Variants in VOPP1 observed in about 807,000 individuals in gnomAD.
VOPP1 encodes the protein VOPP1 WW domain binding protein.
In VOPP1, 8 loss-of-function variants were observed where a neutral mutation model predicts 23.5. The observed-to-expected ratio is 0.34, with a 90% CI of 0.20 to 0.61. The LOEUF (loss-of-function observed/expected upper bound fraction) is 0.61. VOPP1 is among the 20% of genes least tolerant of loss of function. VOPP1 has a pLI of 0.78. For missense variants in VOPP1, 174 were observed against 238.1 expected, an observed-to-expected ratio of 0.73 and a Z score of 1.77; for synonymous variants, 83 against 97.3, an observed-to-expected ratio of 0.85 and a Z score of 0.86.
At chr7:55,543,925 T>G (rs964356218) in intron 1 of VOPP1, among the ~76,000 whole-genome samples, 3 of 152,216 alleles carry the variant, frequency 2.0e-5, no homozygotes, top group African/African-American at 7.2e-5. Flanking sequence ...TGTAATCGTA[T>G]TTGTCAATTT....
intron 4 of VOPP1, among the ~76,000 whole-genome samples, chr7:55,442,652 C>CGAA (rs1790995128): frequency 7.2e-6 from 1 of 139,396 alleles, no homozygotes; most frequent in Non-Finnish European, 1.6e-5. Flanking sequence ...TGAAGTAGAC[C>CGAA]AAAAAAAAAA....
At chr7:55,435,406 G>A (rs1231419852), downstream of VOPP1, among the ~76,000 whole-genome samples, 2 of 152,166 alleles carry the variant, frequency 1.3e-5, no homozygotes, top group Non-Finnish European at 2.9e-5. Flanking sequence ...AGGTGCCGTC[G>A]CATTTAGGAA....
intron 4 of VOPP1, among the ~76,000 whole-genome samples, chr7:55,482,394 C>A (rs1792792552): frequency 6.9e-6 from 1 of 145,340 alleles, no homozygotes; most frequent in Non-Finnish European, 1.5e-5. Context: ...TTCCCTCAGG[C>A]TGGAGTGCAG....
At chr7:55,555,871 CTCTG>C (rs1797783413) in intron 1 of VOPP1, among the ~76,000 whole-genome samples, 2 of 152,316 alleles carry the variant, frequency 1.3e-5, no homozygotes, top group South Asian at 4.1e-4. Context: ...CTTCAGTGAG[CTCTG>C]CTGATGAACA....
rs1402718845 is a variant in VOPP1 at position 55,490,843 on chromosome 7, A to T, written c.328+1439T>A. 3.9e-5 allele frequency among the ~76,000 whole-genome samples: 6 copies of T among 152,224 alleles called. No homozygotes were observed. The East Asian group carries it at 1.2e-3, about 29-fold the overall frequency. ...CTCAGTGAACTGCTGTGGAAAATAT[A>T]TATTTTTCTGAGCAACATTTTTTAA... On this transcript the variant is annotated intron_variant, in intron 4 of 4. Transcript: ENST00000285279.
At chr7:55,535,010 G>A (rs1456582834) in intron 1 of VOPP1, among the ~76,000 whole-genome samples, 2 of 152,232 alleles carry the variant, frequency 1.3e-5, no homozygotes, top group African/African-American at 2.4e-5. Context: ...CACAGTTGAA[G>A]AGTGGTAGAG....
At chr7:55,559,376 G>C (rs1584120891) in intron 1 of VOPP1, among the ~76,000 whole-genome samples, 1 of 152,184 alleles carries the variant, frequency 6.6e-6, no homozygotes, top group Admixed American at 6.5e-5. Context: ...CTGCCCATTA[G>C]CAAGCCCCTG....
chr7:55,443,810 A>G (rs1319989554), intron 4 of VOPP1, among the ~76,000 whole-genome samples: 1 of 151,590 alleles, frequency 6.6e-6, no homozygotes, highest in Non-Finnish European at 1.5e-5. Context: ...ACGCTCAGCT[A>G]ATTTTTGTAT....
intron 4 of VOPP1, among the ~76,000 whole-genome samples, chr7:55,473,305 G>A (rs963119449): frequency 1.3e-5 from 2 of 152,204 alleles, no homozygotes; most frequent in Non-Finnish European, 2.9e-5. Context: ...GAGGAAACTG[G>A]GCCACAGTAA....
intron 4 of VOPP1, among the ~76,000 whole-genome samples, chr7:55,463,670 G>T (rs984711488): frequency 2.0e-5 from 3 of 152,290 alleles, no homozygotes; most frequent in African/African-American, 7.2e-5. Flanking sequence ...GGTAGTTGTG[G>T]GTCAAGCCTG....
chr7:55,511,484 G>T (rs1195120468), intron 2 of VOPP1, among the ~76,000 whole-genome samples: 1 of 152,092 alleles, frequency 6.6e-6, no homozygotes, highest in Non-Finnish European at 1.5e-5. Flanking sequence ...ATTTGTTTAG[G>T]AGCACAGCTT....
At chr7:55,546,074 AAAAAT>A (rs1308182596) in intron 1 of VOPP1, among the ~76,000 whole-genome samples, 4 of 152,218 alleles carry the variant, frequency 2.6e-5, no homozygotes, top group Non-Finnish European at 5.9e-5. Context: ...CTCAATTAAA[AAAAAT>A]AAAATAAAGA....
At chr7:55,477,886 ATG>A (rs1352163228) in intron 4 of VOPP1, among the ~76,000 whole-genome samples, 1 of 152,224 alleles carries the variant, frequency 6.6e-6, no homozygotes, top group Non-Finnish European at 1.5e-5. Flanking sequence ...CTGGAGCCTC[ATG>A]TGAGTAGCTG....
At chr7:55,563,484 G>T (rs527726679) in intron 1 of VOPP1, among the ~76,000 whole-genome samples, 34 of 152,202 alleles carry the variant, frequency 2.2e-4, no homozygotes, top group Admixed American at 1.8e-3. Context: ...AGATCACACA[G>T]GTTGAGTATC....
chr7:55,534,591 A>T (rs542891585), intron 1 of VOPP1, among the ~76,000 whole-genome samples: 145 of 152,306 alleles, frequency 9.5e-4, no homozygotes, highest in African/African-American at 3.2e-3. Flanking sequence ...GGGCCCAGGG[A>T]GCTGTCAACA....
At chr7:55,525,591 A>G (rs767534556) in intron 1 of VOPP1, among the ~76,000 whole-genome samples, 4 of 152,074 alleles carry the variant, frequency 2.6e-5, no homozygotes, top group Non-Finnish European at 4.4e-5. Context: ...TCCTGATCCC[A>G]CACCAGCTAG....
chr7:55,474,858 C>T (rs1354176137), intron 4 of VOPP1, among the ~76,000 whole-genome samples: 1 of 152,180 alleles, frequency 6.6e-6, no homozygotes, highest in Non-Finnish European at 1.5e-5. Flanking sequence ...GATGCATAGG[C>T]AATGGGAAGA....
chr7:55,446,624 T>C (rs1439092708), intron 4 of VOPP1, among the ~76,000 whole-genome samples: 3 of 152,238 alleles, frequency 2.0e-5, no homozygotes, highest in Non-Finnish European at 4.4e-5. Context: ...TGATAGCTAA[T>C]TGGCAGCCAA....
chr7:55,476,608 C>T (rs1180330443), intron 4 of VOPP1, among the ~76,000 whole-genome samples: 1 of 152,154 alleles, frequency 6.6e-6, no homozygotes, highest in African/African-American at 2.4e-5. Context: ...TCCAGTTACA[C>T]CAGGATCCCC....
Sources: gnomAD v4.1 joint callset for allele counts (sites outside exome capture counted in the v4.1 genomes callset) on GRCh38, gnomAD v4.1.1 for gene constraint, MANE v1.5 for transcripts, NCBI Gene and HGNC (gene_info 2026-07-23, HGNC 2026-07-21) for gene names.